The following SET variants were observed in gnomAD, a reference collection of about 807,000 sequenced individuals.
SET encodes the protein SET nuclear proto-oncogene.
Under a neutral mutation model 39.0 loss-of-function variants are expected in SET, and 4 were observed. The ratio of observed to expected loss-of-function variants is 0.10; its 90% CI spans 0.05 to 0.23. The LOEUF (loss-of-function observed/expected upper bound fraction) is 0.23, where lower values mean the gene tolerates loss of function less well. Ranked by LOEUF, SET falls within the 10% of genes least tolerant of loss-of-function variation. The pLI is 1.00. For missense variants in SET, 137 were observed against 329.7 expected (o/e 0.42, Z 4.53); for synonymous variants, 114 against 115.9 (o/e 0.98, Z 0.11).
Position 128,689,551 on chromosome 9 carries a change from C to A in SET, c.-32C>A. The A allele has an allele frequency of 7.9e-7, 1 of 1,258,086 alleles. No individual in the cohort carries two copies. Among genetic ancestry groups the A allele is most frequent in the Non-Finnish European group, 1.0e-6 (1 of 956,436 alleles). 77.9% of individuals were successfully genotyped at this position (1,258,086 alleles called of 1,614,324 possible). On this transcript the variant is annotated 5_prime_UTR_variant, in exon 1 of 8. Coordinates refer to ENST00000322030, the MANE Select transcript of SET (RefSeq NM_003011.4). ...CCTTCGCCTTCCCTTCTCTCCCCCT[C>A]CCCGCTCCCCCCCCGACCGCGGAGC...
At chr9:128,691,251 C>A (rs770702705) in intron 2 of SET, 24 bp downstream of exon 2, 26 of 1,498,812 alleles carry the variant, frequency 1.7e-5, no homozygotes, top group South Asian at 2.4e-5. Flanking sequence ...TAATATACTT[C>A]GGAGAAATTT....
upstream of SET, chr9:128,685,120 T>A: frequency 6.4e-7 from 1 of 1,561,522 alleles, no homozygotes; most frequent in Non-Finnish European, 8.7e-7. Flanking sequence ...CAGGGCTCAG[T>A]GTGGACCTGT....
exon 1 of SET, chr9:128,683,787 GGC>G: frequency 1.1e-6 from 1 of 871,272 alleles, no homozygotes; most frequent in Non-Finnish European, 1.8e-6. Context: ...CAGGCAGGGC[GGC>G]TCCAGTGCAG....
chr9:128,693,130 A>G, intron 5 of SET, 149 bp downstream of exon 5: 1 of 626,442 alleles, frequency 1.6e-6, no homozygotes, highest in Non-Finnish European at 2.8e-6. Context: ...GCCAAGTATT[A>G]CAGTAGTTTA....
upstream of SET, among the ~76,000 whole-genome samples, chr9:128,685,660 G>T (rs2132235018): frequency 6.6e-6 from 1 of 152,290 alleles, no homozygotes; most frequent in Admixed American, 6.5e-5. Context: ...GTCTGTGCTT[G>T]GGACACTGCA....
chr9:128,685,092 TGAG>T, upstream of SET: 29 of 1,544,914 alleles, frequency 1.9e-5, no homozygotes, highest in Non-Finnish European at 2.4e-5. Context: ...GAAGAAGCAC[TGAG>T]GAGGAGTCCT....
At position 128,689,311 on chromosome 9, in the gene SET, A is replaced by G; in HGVS notation, c.-272A>G. On this transcript the variant is annotated 5_prime_UTR_variant, in exon 1 of 8. Transcript: ENST00000322030. ...TCGCCGAGCGCGAGTGAGGGAGCCG[A>G]GCCGCCCGCCGCCGCCGCCTCCGCC... The G allele has an allele frequency of 4.9e-6, 5 of 1,025,132 alleles. No homozygotes were observed. Among genetic ancestry groups the G allele is most frequent in the Non-Finnish European group, 5.8e-6 (5 of 855,572 alleles). The allele number at this position is 1,025,132 out of a possible 1,614,324, so 63.5% of individuals were successfully genotyped here.
At position 128,694,660 on chromosome 9, in the gene SET, A is replaced by T. The variant is rs754819669; in HGVS notation, c.830A>T (p.Asp277Val). Reference protein sequence around the residue: ...EEGEEDEGEDD With the variant: ...EEGEEDEGEDV ...TTTCAGGAGGATGAAGGAGAAGATG[A>T]CTAAATAGAACACTGATGGATTCCA... is the stretch of plus-strand genomic sequence containing the variant. Residue 277 changes from aspartate (D) to valine (V), a missense_variant, in exon 8 of 8, where the codon GAC (aspartate) becomes GTC (valine). Coordinates refer to ENST00000322030, the MANE Select transcript of SET (RefSeq NM_003011.4). 2.5e-6 allele frequency: 4 copies of T among 1,572,388 alleles called. No individual in the cohort carries two copies. The South Asian group carries it at 4.6e-5, about 18-fold the overall frequency.
intron 5 of SET, 96 bp from the exon 6 acceptor site, chr9:128,693,542 T>C (rs1861620331): frequency 6.1e-6 from 8 of 1,306,870 alleles, no homozygotes; most frequent in Non-Finnish European, 8.3e-6. Context: ...GATATTTGTT[T>C]TGCTTAGCTT....
At position 128,689,511 on chromosome 9, in the gene SET, G is replaced by A; in HGVS notation, c.-72G>A. ...GCCCGCGCGTGTGGCGTGAGGGGAAGCCGCTTGCCCGCCCCCTTCGCCTTC... is the reference window on the plus strand; with the variant it reads ...GCCCGCGCGTGTGGCGTGAGGGGAAACCGCTTGCCCGCCCCCTTCGCCTTC... On this transcript the variant is annotated 5_prime_UTR_variant, in exon 1 of 8. Transcript: ENST00000322030. The A allele has an allele frequency of 2.7e-6, 2 of 746,638 alleles. No homozygotes were observed. The highest frequency in any genetic ancestry group is 1.9e-6 in the Non-Finnish European group (1 of 536,524). The allele number at this position is 746,638 out of a possible 1,614,324, so 46.3% of individuals were successfully genotyped here. A position where few individuals can be genotyped will look rare whatever the true frequency, so the allele number is the denominator to read the frequency against.
upstream of SET, chr9:128,689,220 G>GC (rs1437283573): frequency 1.8e-5 from 18 of 993,604 alleles, no homozygotes; most frequent in Non-Finnish European, 2.0e-5. Context: ...CCCTGCGCCC[G>GC]CCCCTCGCCG....
At position 128,693,769 on chromosome 9, in the gene SET, C is replaced by T; in HGVS notation, c.624C>T (p.Ile208=). 6.2e-7 allele frequency: 1 copy of T among 1,613,470 alleles called. No homozygotes were observed. The highest frequency in any genetic ancestry group is 8.5e-7 in the Non-Finnish European group (1 of 1,179,958). ...DAGADELGEV[I]KDDIWPNPLQ... ...GTGCTGATGAGTTAGGAGAGGTCATCAAAGATGATATTTGGCCAAACCCAT... is the reference window on the plus strand; with the variant it reads ...GTGCTGATGAGTTAGGAGAGGTCATTAAAGATGATATTTGGCCAAACCCAT... The change falls in exon 6 of 8, where the codon ATC becomes ATT. Residue 208 remains isoleucine, a synonymous_variant. Transcript: ENST00000322030.
At chr9:128,684,079 C>T (rs1023801841) in intron 1 of SET, 2 of 1,250,850 alleles carry the variant, frequency 1.6e-6, no homozygotes, top group Non-Finnish European at 1.1e-6. Context: ...TTTTTACCCC[C>T]CAATCCCTCT....
chr9:128,693,034 A>G, intron 5 of SET, 53 bp downstream of exon 5: 1 of 1,194,360 alleles, frequency 8.4e-7, no homozygotes, highest in Non-Finnish European at 1.2e-6. Context: ...ATTTCAGTTT[A>G]GTTTTAACCA....
At position 128,692,776 on chromosome 9, in the gene SET, C is replaced by G. The variant is rs1209013913; in HGVS notation, c.378+11C>G. ...TACAGAATAGATTTTGTAAGTATCT[C>G]TAACTTAATCTTGTTTGCCACTGTG... On this transcript the variant is annotated intron_variant, in intron 4 of 7. Transcript: ENST00000322030. 4.5e-6 allele frequency: 7 copies of G among 1,570,732 alleles called. No individual in the cohort carries two copies. The highest frequency in any genetic ancestry group is 5.3e-6 in the Non-Finnish European group (6 of 1,140,606).
upstream of SET, among the ~76,000 whole-genome samples, chr9:128,686,847 G>A (rs530264900): frequency 2.0e-5 from 3 of 151,882 alleles, no homozygotes; most frequent in African/African-American, 7.2e-5. Flanking sequence ...AGGTGGCAGT[G>A]GTGCTTGCCT....
chr9:128,696,039 A>C lies in SET; in HGVS notation c.*1375A>C, dbSNP rs532491147. 1 of 224,550 alleles carries C rather than the reference A, an allele frequency of 4.5e-6. No homozygotes were observed. Among genetic ancestry groups the C allele is most frequent in the South Asian group, 1.8e-4 (1 of 5,448 alleles). The allele number at this position is 224,550 out of a possible 1,614,324, so 13.9% of individuals were successfully genotyped here. A position where few individuals can be genotyped will look rare whatever the true frequency, so the allele number is the denominator to read the frequency against. ...GTAACTGTCCCTGCTTTCTGGTATA[A>C]AGCTCTCAAATGTGACCATGTGAAT... On this transcript the variant is annotated 3_prime_UTR_variant, in exon 8 of 8. Coordinates refer to ENST00000322030, the MANE Select transcript of SET (RefSeq NM_003011.4).
chr9:128,685,716 C>T (rs908122962), upstream of SET, among the ~76,000 whole-genome samples: 12 of 152,108 alleles, frequency 7.9e-5, no homozygotes, highest in East Asian at 1.9e-4. Context: ...GTCTTTCTGG[C>T]GGTGGGGTTC....
intron 7 of SET, 43 bp downstream of exon 7, chr9:128,694,085 G>C: frequency 1.4e-6 from 2 of 1,433,172 alleles, no homozygotes; most frequent in Non-Finnish European, 1.9e-6. Context: ...AACTTTTAAA[G>C]AATTCATGTT....
Sources: gnomAD v4.1 joint callset for allele counts (sites outside exome capture counted in the v4.1 genomes callset) on GRCh38, gnomAD v4.1.1 for gene constraint, MANE v1.5 for transcripts, NCBI Gene and HGNC (gene_info 2026-07-23, HGNC 2026-07-21) for gene names.